The following TBC1D10B variants were observed in gnomAD, a reference collection of about 807,000 sequenced individuals.
TBC1D10B encodes Rab27A-GAPbeta.
A neutral mutation model predicts 78.4 loss-of-function variants in TBC1D10B; 25 were observed. The ratio of observed to expected loss-of-function variants is 0.32; its 90% CI spans 0.23 to 0.45. The LOEUF (loss-of-function observed/expected upper bound fraction) is 0.45. Ranked by LOEUF, TBC1D10B falls within the 20% of genes least tolerant of loss-of-function variation. The probability of loss-of-function intolerance (pLI) is 1.00; values close to 1 mark genes in which losing one functional copy is unlikely to be tolerated. For missense variants in TBC1D10B, 996 were observed against 1,104.8 expected, an observed-to-expected ratio of 0.90 and a Z score of 1.40; for synonymous variants, 517 against 478.0, an observed-to-expected ratio of 1.08 and a Z score of -1.06.
At chr16:30,366,802 AACCT>A (rs1444033764) in intron 1 of TBC1D10B, 2 of 152,210 alleles carry the variant, frequency 1.3e-5, no homozygotes, top group Non-Finnish European at 2.9e-5. Context: ...TTAAGAATCA[AACCT>A]ACCTAAGTTC....
At chr16:30,363,256 C>A (rs2049611000) in intron 4 of TBC1D10B, among the ~76,000 whole-genome samples, 1 of 152,166 alleles carries the variant, frequency 6.6e-6, no homozygotes, top group Non-Finnish European at 1.5e-5. Flanking sequence ...AACCACTTCT[C>A]CCCATACTCC....
Position 30,357,241 on chromosome 16 carries a change from G to A in TBC1D10B, c.*703C>T, listed in dbSNP as rs922712159. ...CTTACCCAGATAGGGACTAACTGGA[G>A]GGGTGGAAGGGAACAAGGTGAAAGG... is the stretch of plus-strand genomic sequence containing the variant. On this transcript the variant is annotated 3_prime_UTR_variant, in exon 9 of 9. Transcript: ENST00000409939. 6.5e-6 allele frequency: 1 copy of A among 153,702 alleles called. No homozygotes were observed. Among genetic ancestry groups the A allele is most frequent in the East Asian group, 1.9e-4 (1 of 5,208 alleles). The allele number at this position is 153,702 out of a possible 1,614,324, so 9.5% of individuals were successfully genotyped here. A position where few individuals can be genotyped will look rare whatever the true frequency, so the allele number is the denominator to read the frequency against.
chr16:30,358,216 T>G lies in TBC1D10B; in HGVS notation c.2155A>C (p.Lys719Gln). 6.4e-7 allele frequency: 1 copy of G among 1,553,826 alleles called. No individual in the cohort carries two copies. Among genetic ancestry groups the G allele is most frequent in the Non-Finnish European group, 8.7e-7 (1 of 1,148,056 alleles). The change falls in exon 9 of 9, where the codon AAG becomes CAG. Residue 719 changes from lysine (K) to glutamine (Q), a missense_variant. By Grantham distance (53) the Lys-to-Gln change is moderately conservative. Around this residue, in one of 5 missense-constraint regions of TBC1D10B, gnomAD observed 285 missense variants for 252.5 expected, o/e 1.13. Coordinates refer to ENST00000409939, the MANE Select transcript of TBC1D10B (RefSeq NM_015527.4). ...TCCTTCTCCTGCTTCCGGGTCTCCT[T>G]GCTGGAACCCAAGGGGGTGCTATTG... The part of the protein sequence containing the change: ...TGNSTPLGSS[K>Q]ETRKQEKERQ...
In TBC1D10B at chr16:30,357,900, T is replaced by G; in HGVS notation, c.*44A>C. ...ACCTTGGGCCAGGCCTGTTCTTGGCTGAGGGAAAGAGGGGGGCCATGCAGT... is the reference window on the plus strand; with the variant it reads ...ACCTTGGGCCAGGCCTGTTCTTGGCGGAGGGAAAGAGGGGGGCCATGCAGT... On this transcript the variant is annotated 3_prime_UTR_variant, in exon 9 of 9. Transcript: ENST00000409939. 6 of 1,522,766 alleles carry G rather than the reference T, an allele frequency of 3.9e-6. No homozygotes were observed. In the South Asian group the frequency reaches 7.4e-5, roughly 19 times the overall value. The allele number at this position is 1,522,766 out of a possible 1,614,324, so 94.3% of individuals were successfully genotyped here. A position where few individuals can be genotyped will look rare whatever the true frequency, so the allele number is the denominator to read the frequency against.
At position 30,358,403 on chromosome 16, in the gene TBC1D10B, G is replaced by A; in HGVS notation, c.1968C>T (p.Ser656=). Residue 656 remains serine (S), a synonymous_variant, in exon 9 of 9, where the codon TCC becomes TCT. Coordinates refer to ENST00000409939, the MANE Select transcript of TBC1D10B (RefSeq NM_015527.4). ...RRRQQPPLGP[S]SSLLSLPGLK... ...GGCCAGGGAGGCTGAGGAGGCTGGA[G>A]GAGGGGCCCAGGGGTGGCTGTTGCC... 6 of 1,573,318 alleles carry A rather than the reference G, an allele frequency of 3.8e-6. No homozygotes were observed. In the South Asian group the frequency reaches 4.6e-5, roughly 12 times the overall value.
Position 30,369,413 on chromosome 16 carries a change from A to T in TBC1D10B, c.771T>A (p.Ser257=), listed in dbSNP as rs769596024. ...GSTSSLGPGI[S]GPRGQAPDTL... is the part of the protein sequence containing the mutation. ...TGTCCGGGGCCTGCCCTCGAGGCCC[A>T]GAGATGCCAGGTCCCAGGCTGGACG... is the stretch of plus-strand genomic sequence containing the variant. The change falls in exon 1 of 9, where the codon TCT becomes TCA. Residue 257 remains serine (S), a synonymous_variant. Transcript: ENST00000409939. This position sits in a 1 kb window ranked among gnomAD's most constrained non-coding sequence, Gnocchi z 4.3. The T allele has an allele frequency of 1.3e-6, 2 of 1,575,332 alleles. No individual in the cohort carries two copies. Among genetic ancestry groups the T allele is most frequent in the Non-Finnish European group, 1.7e-6 (2 of 1,160,626 alleles).
chr16:30,359,093 C>A, intron 7 of TBC1D10B, 79 bp downstream of exon 7: 1 of 1,482,374 alleles, frequency 6.7e-7, no homozygotes, highest in Non-Finnish European at 9.0e-7. Context: ...TGTCCATGGA[C>A]CACCAGAAAT....
chr16:30,358,105 G>C lies in TBC1D10B; in HGVS notation c.2266C>G (p.Gln756Glu), dbSNP rs1427862972. 1 of 1,551,508 alleles carries C rather than the reference G, an allele frequency of 6.4e-7. No individual in the cohort carries two copies. The highest frequency in any genetic ancestry group is 8.7e-7 in the Non-Finnish European group (1 of 1,146,850). Residue 756 changes from glutamine to glutamate, a missense_variant, in exon 9 of 9, where the codon CAG (glutamine) becomes GAG (glutamate). Gln to Glu is a conservative substitution (Grantham distance 29, BLOSUM62 2). Around this residue, in one of 5 missense-constraint regions of TBC1D10B, gnomAD observed 285 missense variants for 252.5 expected, o/e 1.13. Transcript: ENST00000409939. ...TCCTGCTTCTCTCGCTCCTTTTCCTGCTTCTCTCGCTCTTTCTCCTGCTTC... is the reference window on the plus strand; with the variant it reads ...TCCTGCTTCTCTCGCTCCTTTTCCTCCTTCTCTCGCTCTTTCTCCTGCTTC... ...RQKQEKEREKQEKEREKQEKE... is the reference protein window; with the variant it reads ...RQKQEKEREKEEKEREKQEKE...
intron 6 of TBC1D10B, 79 bp downstream of exon 6, chr16:30,359,459 G>C: frequency 6.5e-7 from 1 of 1,548,308 alleles, no homozygotes; most frequent in South Asian, 1.2e-5. Context: ...GGAAGGCCAG[G>C]GTGGGGCAAG....
In TBC1D10B at chr16:30,358,700, G is replaced by T. The variant is rs939508300; in HGVS notation, c.1760C>A (p.Pro587His). 1.2e-5 allele frequency: 19 copies of T among 1,610,214 alleles called. No homozygotes were observed. Among genetic ancestry groups the T allele is most frequent in the Non-Finnish European group, 1.4e-5 (17 of 1,177,496 alleles). The change falls in exon 8 of 9, where the codon CCC (proline) becomes CAC (histidine). Residue 587 changes from proline to histidine, a missense_variant. Around this residue, in one of 5 missense-constraint regions of TBC1D10B, gnomAD observed 168 missense variants for 238.7 expected, o/e 0.70. Transcript: ENST00000409939. ...GAAGTCTTCCTGCATGCACTGCTGG[G>T]GCAGGTTACGCAGCTGCTCCATGGT... The part of the protein sequence containing the change: ...YETMEQLRNL[P>H]QQCMQEDFLV...
chr16:30,369,958 GGGCCGGGGCCGGAGCAGAGGTCTC>G lies in TBC1D10B; in HGVS notation c.202_225del (p.Glu68_Ala75del). On this transcript the variant is annotated inframe_deletion, in exon 1 of 9. Coordinates refer to ENST00000409939, the MANE Select transcript of TBC1D10B (RefSeq NM_015527.4). This position sits in a 1 kb window ranked among gnomAD's most constrained non-coding sequence, Gnocchi z 4.3. ...ACAGCCGGGGCTGGGGCCGGGGCTGGGGCCGGGGCCGGAGCAGAGGTCTCGGCCGACCCCGGGACCCAGGCGGGC... is the reference window on the plus strand; with the variant it reads ...ACAGCCGGGGCTGGGGCCGGGGCTGGGGCCGACCCCGGGACCCAGGCGGGC... 1 of 1,289,234 alleles carries G rather than the reference GGGCCGGGGCCGGAGCAGAGGTCTC, an allele frequency of 7.8e-7. No individual in the cohort carries two copies. The highest frequency in any genetic ancestry group is 9.8e-7 in the Non-Finnish European group (1 of 1,020,306). 79.9% of individuals were successfully genotyped at this position (1,289,234 alleles called of 1,614,324 possible).
At chr16:30,366,780 A>C (rs2049640531) in intron 1 of TBC1D10B, 1 of 152,222 alleles carries the variant, frequency 6.6e-6, no homozygotes, top group African/African-American at 2.4e-5. Flanking sequence ...AGAACGGAAG[A>C]AAGCTTGGGT....
intron 7 of TBC1D10B, 57 bp from the exon 8 acceptor site, chr16:30,358,874 C>G (rs986546706): frequency 1.3e-6 from 2 of 1,540,652 alleles, no homozygotes; most frequent in African/African-American, 1.4e-5. Flanking sequence ...CTCAGCCTGT[C>G]CTGATCAGGA....
At chr16:30,368,361 C>T (rs1415604647) in intron 1 of TBC1D10B, among the ~76,000 whole-genome samples, 1 of 152,184 alleles carries the variant, frequency 6.6e-6, no homozygotes, top group Non-Finnish European at 1.5e-5. Context: ...TTGAAACCAA[C>T]TGTTTAAGTA....
intron 1 of TBC1D10B, among the ~76,000 whole-genome samples, chr16:30,368,383 C>G (rs1230743425): frequency 1.3e-5 from 2 of 152,178 alleles, no homozygotes; most frequent in Admixed American, 6.5e-5. Context: ...TTTTCTTTCT[C>G]TCCAGATGAT....
Position 30,358,352 on chromosome 16 carries a change from A to G in TBC1D10B, c.2019T>C (p.Ala673=). The change falls in exon 9 of 9, where the codon GCT becomes GCC. Residue 673 remains alanine, a synonymous_variant. Coordinates refer to ENST00000409939, the MANE Select transcript of TBC1D10B (RefSeq NM_015527.4). ...GGGGCGGCGGGGACGGGGCCCCTCC[A>G]GCTGCCCGGGAGCCTCGGCTCTTGA... is the stretch of plus-strand genomic sequence containing the variant. ...PGLKSRGSRA[A]GGAPSPPPPV... is the part of the protein sequence containing the mutation. The G allele has an allele frequency of 6.4e-7, 1 of 1,558,406 alleles. No homozygotes were observed.
chr16:30,368,552 C>A (rs1241761602), intron 1 of TBC1D10B, among the ~76,000 whole-genome samples: 1 of 152,122 alleles, frequency 6.6e-6, no homozygotes, highest in African/African-American at 2.4e-5. Context: ...GCAATCACCC[C>A]CTACCTCGGG....
At chr16:30,359,999 A>G in intron 4 of TBC1D10B, 158 bp from the exon 5 acceptor site, 2 of 671,918 alleles carry the variant, frequency 3.0e-6, no homozygotes, top group Non-Finnish European at 2.5e-6. Flanking sequence ...CCCACAGCAG[A>G]GCACTCCAGG....
At position 30,358,733 on chromosome 16, in the gene TBC1D10B, A is replaced by G. The variant is rs1172374620; in HGVS notation, c.1727T>C (p.Met576Thr). Reference sequence around the variant, plus strand: ...ACGCAGCTGCTCCATGGTCTCATACATGCCTTGGCAGGAGCGCAGCTTCTC... The same window carrying G: ...ACGCAGCTGCTCCATGGTCTCATACGTGCCTTGGCAGGAGCGCAGCTTCTC... The part of the protein sequence containing the change: ...SVEKLRSCQG[M>T]YETMEQLRNL... The change falls in exon 8 of 9, where the codon ATG becomes ACG. Residue 576 changes from methionine to threonine, a missense_variant. Physicochemically the swap from Met to Thr is moderately conservative, Grantham distance 81. This residue lies in a region of TBC1D10B where 168 missense variants were observed against 238.7 expected (regional missense o/e 0.70). Coordinates refer to ENST00000409939, the MANE Select transcript of TBC1D10B (RefSeq NM_015527.4). 2 of 1,610,726 alleles carry G rather than the reference A, an allele frequency of 1.2e-6. No homozygotes were observed. The highest frequency in any genetic ancestry group is 1.7e-6 in the Non-Finnish European group (2 of 1,178,488).
Sources: allele counts gnomAD v4.1 joint callset (sites outside exome capture counted in the v4.1 genomes callset), GRCh38; gene constraint gnomAD v4.1.1; regional missense constraint gnomAD v4.1.1; non-coding constraint Gnocchi (gnomAD v3.1); transcripts MANE v1.5; gene names NCBI Gene and HGNC (gene_info 2026-07-23, HGNC 2026-07-21).